STK40: variants seen among roughly 807,000 people sequenced by gnomAD.
STK40 encodes serine/threonine-protein kinase 40.
STK40 carries 13 observed loss-of-function variants against 47.9 expected under a neutral mutation model. That is an observed-to-expected ratio of 0.27 (90% CI 0.18 to 0.43). STK40 has a LOEUF of 0.43. Among genes scored for constraint, STK40 ranks in the 20% least tolerant of loss-of-function variants. STK40 has a pLI of 1.00. For missense variants in STK40, 460 were observed against 595.1 expected, an observed-to-expected ratio of 0.77 and a Z score of 2.36; for synonymous variants, 225 against 243.2, an observed-to-expected ratio of 0.93 and a Z score of 0.69.
In STK40 at chr1:36,355,431, G is replaced by A; in HGVS notation, c.345C>T (p.Asp115=). The change falls in exon 5 of 11, where the codon GAC becomes GAT. Residue 115 remains aspartate (D), a splice_region_variant and synonymous_variant. Coordinates refer to ENST00000373132, the MANE Select transcript of STK40 (RefSeq NM_001282547.2). Reference sequence around the variant, plus strand: ...TGTCCTCAACGATTTCACAGGTGCGGTCCTGGGAGGCAAGGGGGTAGCGCA... The same window carrying A: ...TGTCCTCAACGATTTCACAGGTGCGATCCTGGGAGGCAAGGGGGTAGCGCA... The part of the protein sequence containing the change: ...GVVHHHGLFQ[D]RTCEIVEDTE... The A allele has an allele frequency of 6.2e-7, 1 of 1,614,188 alleles. No homozygotes were observed. Among genetic ancestry groups the A allele is most frequent in the Non-Finnish European group, 8.5e-7 (1 of 1,180,032 alleles).
intron 10 of STK40, 174 bp from the exon 11 acceptor site, chr1:36,342,147 G>A: frequency 1.6e-6 from 1 of 642,018 alleles, no homozygotes; most frequent in Admixed American, 2.9e-5. Context: ...GTGGGTCCCT[G>A]ACCCCCTCCA....
At chr1:36,369,757 C>G (rs1646929897) in intron 1 of STK40, among the ~76,000 whole-genome samples, 1 of 152,240 alleles carries the variant, frequency 6.6e-6, no homozygotes, top group African/African-American at 2.4e-5. Context: ...AGGCTGTGGG[C>G]TCCCTTGAGG....
rs921847051 is a variant in STK40, at chr1:36,357,566, G to A, written c.342+673C>T. On this transcript the variant is annotated intron_variant, in intron 4 of 10. Transcript: ENST00000373132. Reference sequence around the variant, plus strand: ...ACCACCTGTTCTTCTGCCTGCTCAGGCATTTCAGTTTGTCCAGTAAATGTC... The same window carrying A: ...ACCACCTGTTCTTCTGCCTGCTCAGACATTTCAGTTTGTCCAGTAAATGTC... 2.6e-5 allele frequency among the ~76,000 whole-genome samples: 4 copies of A among 152,118 alleles called. No individual in the cohort carries two copies. The East Asian group carries it at 7.7e-4, about 29-fold the overall frequency.
At chr1:36,367,996 T>G in intron 1 of STK40, 16 of 493,594 alleles carry the variant, frequency 3.2e-5, no homozygotes, top group South Asian at 8.7e-5. Context: ...TTAAGATCTC[T>G]TGGAGCAGGA....
chr1:36,379,398 CTTTTTTT>C (rs55738958), intron 1 of STK40, among the ~76,000 whole-genome samples: 8 of 138,884 alleles, frequency 5.8e-5, no homozygotes, highest in Non-Finnish European at 1.1e-4. Flanking sequence ...GTTGTAGCCT[CTTTTTTT>C]TTTTTTTTTG....
intron 1 of STK40, among the ~76,000 whole-genome samples, chr1:36,362,183 C>T (rs1288185524): frequency 6.6e-6 from 1 of 152,092 alleles, no homozygotes; most frequent in African/African-American, 2.4e-5. Context: ...CACCTCTGGA[C>T]ACAGATTTAA....
rs75992752 is a variant in STK40, at chr1:36,359,933, T to C, written c.113-1111A>G. Among the ~76,000 whole-genome samples, 1,040 of 152,298 alleles carry C rather than the reference T, an allele frequency of 6.8e-3. 15 individuals are homozygous for C. The highest frequency in any genetic ancestry group is 0.024 in the African/African-American group (992 of 41,566). On this transcript the variant is annotated intron_variant, in intron 2 of 10. Transcript: ENST00000373132. The stretch of plus-strand genomic sequence containing the variant: ...TCTGTCTGCAATGTTCTTCCCCAGC[T>C]TTCCCCACAGTTGCTGCTTCTCCTC...
At chr1:36,343,202 G>A (rs780140120) in intron 10 of STK40, 162 bp downstream of exon 10, 2 of 817,776 alleles carry the variant, frequency 2.4e-6, no homozygotes, top group African/African-American at 1.7e-5. Context: ...AGGCAGCTCA[G>A]GCTGAGGACT....
intron 7 of STK40, among the ~76,000 whole-genome samples, chr1:36,346,430 G>C (rs1421550121): frequency 1.3e-5 from 2 of 152,188 alleles, no homozygotes; most frequent in Admixed American, 1.3e-4. Context: ...CCTCCATGAG[G>C]GCCAGACCAG....
rs1227163118 is a variant in STK40, at chr1:36,358,334, C to T, written c.247G>A (p.Glu83Lys). ...RGDQGIESQE[E>K]RQGKMLLHTE... ...TGCAGCAGCATCTTGCCCTGCCGCT[C>T]TTCCTGGCTCTCTATGCCTTGGTCC... The change falls in exon 4 of 11, where the codon GAG becomes AAG. Residue 83 changes from glutamate to lysine, a missense_variant. Around this residue, in one of 3 missense-constraint regions of STK40, gnomAD observed 277 missense variants for 358.7 expected, o/e 0.77. Coordinates refer to ENST00000373132, the MANE Select transcript of STK40 (RefSeq NM_001282547.2). 2 of 1,609,974 alleles carry T rather than the reference C, an allele frequency of 1.2e-6. No individual in the cohort carries two copies. Among genetic ancestry groups the T allele is most frequent in the Non-Finnish European group, 1.7e-6 (2 of 1,176,568 alleles).
chr1:36,348,323 C>T (rs753186624), intron 7 of STK40, among the ~76,000 whole-genome samples: 2 of 152,238 alleles, frequency 1.3e-5, no homozygotes, highest in African/African-American at 2.4e-5. Flanking sequence ...ATTGCTCCAA[C>T]GTGCTGTGCT....
At chr1:36,383,929 C>G (rs1209768380) in intron 1 of STK40, among the ~76,000 whole-genome samples, 1 of 152,128 alleles carries the variant, frequency 6.6e-6, no homozygotes, top group Non-Finnish European at 1.5e-5. Context: ...ATGGCACACT[C>G]CCGTCCCCAC....
intron 10 of STK40, 70 bp downstream of exon 10, chr1:36,343,294 T>G: frequency 6.5e-7 from 1 of 1,532,174 alleles, no homozygotes; most frequent in Non-Finnish European, 8.9e-7. Flanking sequence ...ACCTCTGCCC[T>G]TGCCCTGCCT....
At chr1:36,381,803 A>G (rs1647041817) in intron 1 of STK40, among the ~76,000 whole-genome samples, 1 of 151,950 alleles carries the variant, frequency 6.6e-6, no homozygotes. Flanking sequence ...TTCAAGTTCT[A>G]AGGGCTCTCT....
intron 7 of STK40, among the ~76,000 whole-genome samples, chr1:36,347,884 C>G (rs1013487630): frequency 1.3e-5 from 2 of 152,160 alleles, no homozygotes; most frequent in African/African-American, 4.8e-5. Flanking sequence ...AACTCCTGAC[C>G]TTATGATCCC....
Position 36,361,231 on chromosome 1 carries a change from T to A in STK40, c.102A>T (p.Pro34=). The change falls in exon 2 of 11, where the codon CCA becomes CCT. Residue 34 remains proline (P), a synonymous_variant. Transcript: ENST00000373132. ...AGGTCAGAGGCTTACCAAGGATGAA[T>A]GGTCCAGCTCTCTTTGCATTATTTC... ...ISGNNAKRAG[P]FILGPRLGNS... is the part of the protein sequence containing the mutation. 6.2e-7 allele frequency: 1 copy of A among 1,614,174 alleles called. No individual in the cohort carries two copies. Among genetic ancestry groups the A allele is most frequent in the Non-Finnish European group, 8.5e-7 (1 of 1,180,044 alleles).
intron 1 of STK40, among the ~76,000 whole-genome samples, chr1:36,376,901 G>A (rs1375606605): frequency 1.3e-5 from 2 of 150,724 alleles, no homozygotes; most frequent in East Asian, 3.9e-4. Flanking sequence ...TCAGCCTCCC[G>A]AGTAGCTGGG....
chr1:36,383,507 G>A (rs1324392082), intron 1 of STK40, among the ~76,000 whole-genome samples: 5 of 152,164 alleles, frequency 3.3e-5, no homozygotes, highest in South Asian at 2.1e-4. Flanking sequence ...AAGATCCATC[G>A]CCCCAGCACC....
chr1:36,355,183 G>C, intron 5 of STK40, 23 bp downstream of exon 5: 1 of 1,607,486 alleles, frequency 6.2e-7, no homozygotes, highest in Non-Finnish European at 8.5e-7. Flanking sequence ...GCCAGAAGGC[G>C]CAGCAGCAGG....
Sources: gnomAD v4.1 joint callset for allele counts (sites outside exome capture counted in the v4.1 genomes callset) on GRCh38, gnomAD v4.1.1 for gene constraint, gnomAD v4.1.1 regional missense constraint, MANE v1.5 for transcripts, NCBI Gene and HGNC (gene_info 2026-07-23, HGNC 2026-07-21) for gene names.